GALNTL5: variants seen among roughly 807,000 people sequenced by gnomAD.
GALNTL5 encodes polypeptide N-acetylgalactosaminyltransferase like 5.
Under a neutral mutation model 51.0 loss-of-function variants are expected in GALNTL5, and 44 were observed. That is an observed-to-expected ratio of 0.86 (90% CI 0.68 to 1.11). The LOEUF is 1.11. GALNTL5 is among the 50% of genes least tolerant of loss of function. The pLI is 0.00. For synonymous variants in GALNTL5, 192 were observed against 182.8 expected, an observed-to-expected ratio of 1.05 and a Z score of -0.41; for missense variants, 528 against 531.8, an observed-to-expected ratio of 0.99 and a Z score of 0.07.
At chr7:152,017,854 T>C (rs2081838851) in intron 8 of GALNTL5, among the ~76,000 whole-genome samples, 1 of 152,094 alleles carries the variant, frequency 6.6e-6, no homozygotes, top group Non-Finnish European at 1.5e-5. Context: ...TTTTTTTTTT[T>C]CTTTCTTTTG....
intron 7 of GALNTL5, among the ~76,000 whole-genome samples, chr7:152,010,237 C>T (rs1227115876): frequency 4.6e-5 from 7 of 151,946 alleles, no homozygotes; most frequent in African/African-American, 1.2e-4. Context: ...CTCAGCCTCC[C>T]GAGTAGTTGG....
At chr7:151,984,401 C>T (rs2081334966) in intron 4 of GALNTL5, among the ~76,000 whole-genome samples, 1 of 152,130 alleles carries the variant, frequency 6.6e-6, no homozygotes, top group African/African-American at 2.4e-5. Flanking sequence ...ATGTGACCCA[C>T]TATGAGCTCA....
intron 1 of GALNTL5, among the ~76,000 whole-genome samples, chr7:151,962,763 C>T (rs1237361346): frequency 6.6e-6 from 1 of 152,136 alleles, no homozygotes; most frequent in Non-Finnish European, 1.5e-5. Context: ...AGCCCACCAC[C>T]ATGCCCAGCT....
chr7:151,967,040 C>T (rs1224999304), intron 1 of GALNTL5, among the ~76,000 whole-genome samples, 168 bp from the exon 2 acceptor site: 4 of 152,056 alleles, frequency 2.6e-5, no homozygotes, highest in Non-Finnish European at 5.9e-5. Context: ...TTAGGAATAT[C>T]AGTTTTAGGA....
chr7:152,014,618 A>G, intron 7 of GALNTL5, 26 bp from the exon 8 acceptor site: 1 of 1,582,142 alleles, frequency 6.3e-7, no homozygotes, highest in South Asian at 1.2e-5. Context: ...ATGCATTCGT[A>G]TGTTTTTTGT....
chr7:151,973,326 A>G (rs2081169990), intron 3 of GALNTL5, among the ~76,000 whole-genome samples: 1 of 151,870 alleles, frequency 6.6e-6, no homozygotes, highest in Non-Finnish European at 1.5e-5. Flanking sequence ...TTAGCCAGGC[A>G]TGGTGATGCG....
intron 8 of GALNTL5, 131 bp downstream of exon 8, chr7:152,014,924 G>A (rs1586858056): frequency 1.3e-6 from 1 of 785,018 alleles, no homozygotes; most frequent in East Asian, 2.7e-5. Context: ...AATTAACACA[G>A]GAACGGAAAA....
intron 3 of GALNTL5, among the ~76,000 whole-genome samples, chr7:151,976,193 G>A (rs1165055696): frequency 2.6e-5 from 4 of 152,194 alleles, no homozygotes; most frequent in Middle Eastern, 6.8e-3. Flanking sequence ...TTATTTTATT[G>A]CAGTCTATCA....
chr7:151,961,212 G>T (rs1202037056), intron 1 of GALNTL5, among the ~76,000 whole-genome samples: 1 of 151,576 alleles, frequency 6.6e-6, no homozygotes, highest in Admixed American at 6.6e-5. Flanking sequence ...ACAAAGCTGT[G>T]CACAGTGGCT....
chr7:151,974,621 C>T lies in GALNTL5; in HGVS notation c.368+3556C>T, dbSNP rs996339765. Among the ~76,000 whole-genome samples, 4 of 152,168 alleles carry T rather than the reference C, an allele frequency of 2.6e-5. No homozygotes were observed. In the South Asian group the frequency reaches 8.3e-4, roughly 32 times the overall value. On this transcript the variant is annotated intron_variant, in intron 3 of 8. Coordinates refer to ENST00000392800, the MANE Select transcript of GALNTL5 (RefSeq NM_145292.4). ...ATCTGGGTCATGATAAAATAAAAAA[C>T]TTAAATTTACTCAAACCATAGAACA...
chr7:151,976,462 A>G (rs543662688), intron 3 of GALNTL5, among the ~76,000 whole-genome samples: 8 of 152,084 alleles, frequency 5.3e-5, no homozygotes, highest in South Asian at 2.1e-4. Context: ...TTTGGTTTCC[A>G]TTTGCATGAA....
rs1491084538 is a variant in GALNTL5, at chr7:151,998,782, AAC to A, written c.659-3930_659-3929del. On this transcript the variant is annotated intron_variant, in intron 5 of 8. Coordinates refer to ENST00000392800, the MANE Select transcript of GALNTL5 (RefSeq NM_145292.4). The stretch of plus-strand genomic sequence containing the variant: ...GCGAGACTCTATCTAAAAAAAAAAA[AAC>A]AAAAAACAAAACTACTCCGATAGGC... Among the ~76,000 whole-genome samples, 499 of 109,552 alleles carry A rather than the reference AAC, an allele frequency of 4.6e-3. 6 individuals are homozygous for A. The highest frequency in any genetic ancestry group is 0.01 in the Middle Eastern group (2 of 198). 71.9% of individuals were successfully genotyped at this position (109,552 alleles called of 152,430 possible).
At chr7:151,992,632 C>G (rs1299965797) in intron 5 of GALNTL5, among the ~76,000 whole-genome samples, 2 of 152,176 alleles carry the variant, frequency 1.3e-5, no homozygotes, top group Non-Finnish European at 2.9e-5. Flanking sequence ...TCGCTCTACC[C>G]TGGTATGACC....
chr7:151,982,247 T>C (rs984742251), intron 3 of GALNTL5, among the ~76,000 whole-genome samples: 2 of 151,888 alleles, frequency 1.3e-5, no homozygotes, highest in African/African-American at 2.4e-5. Flanking sequence ...ACACTGTCTC[T>C]ACTAAAAACA....
rs772944523 is a variant in GALNTL5, at chr7:152,002,931, G to A, written c.876G>A (p.Met292Ile). Residue 292 changes from methionine to isoleucine, a missense_variant, in exon 6 of 9, where the codon ATG becomes ATA. Coordinates refer to ENST00000392800, the MANE Select transcript of GALNTL5 (RefSeq NM_145292.4). ...FKWDNVFSYEMDGPEGSTKPI... is the reference protein window; with the variant it reads ...FKWDNVFSYEIDGPEGSTKPI... The stretch of plus-strand genomic sequence containing the variant: ...GGGATAATGTTTTCTCTTATGAGAT[G>A]GATGGACCAGAAGGATCTACTAAAC... 18 of 1,614,038 alleles carry A rather than the reference G, an allele frequency of 1.1e-5. No individual in the cohort carries two copies. Among genetic ancestry groups the A allele is most frequent in the Admixed American group, 1.7e-5 (1 of 60,012 alleles).
rs1214591420 is a variant in GALNTL5 at position 151,962,434 on chromosome 7, T to C, written c.-39-4774T>C. Among the ~76,000 whole-genome samples, 5 of 146,872 alleles carry C rather than the reference T, an allele frequency of 3.4e-5. No homozygotes were observed. In the East Asian group the frequency reaches 9.8e-4, roughly 29 times the overall value. On this transcript the variant is annotated intron_variant, in intron 1 of 8. Transcript: ENST00000392800. Reference sequence around the variant, plus strand: ...TTAAAAAAGTCTGTGTGATTTTTTTTTCTTTTTTTTTTTTTTTGGTTAATG... The same window carrying C: ...TTAAAAAAGTCTGTGTGATTTTTTTCTCTTTTTTTTTTTTTTTGGTTAATG...
chr7:151,991,425 A>G (rs1471115174), intron 5 of GALNTL5, among the ~76,000 whole-genome samples: 1 of 152,162 alleles, frequency 6.6e-6, no homozygotes, highest in Non-Finnish European at 1.5e-5. Context: ...TCATGTAAAA[A>G]AAAATTGATT....
intron 6 of GALNTL5, among the ~76,000 whole-genome samples, chr7:152,003,297 G>T (rs1330819573): frequency 1.3e-5 from 2 of 152,138 alleles, no homozygotes; most frequent in Admixed American, 1.3e-4. Context: ...TTGAAGGAGA[G>T]ACTCCATCAT....
rs561063459 is a variant in GALNTL5, at chr7:151,995,653, T to A, written c.659-7061T>A. ...TAACATGGCTGTTACAATGATCAGA[T>A]AAGGACATCACCTACATTTTTTTTG... On this transcript the variant is annotated intron_variant, in intron 5 of 8. Coordinates refer to ENST00000392800, the MANE Select transcript of GALNTL5 (RefSeq NM_145292.4). Among the ~76,000 whole-genome samples, 8 of 142,282 alleles carry A rather than the reference T, an allele frequency of 5.6e-5. 1 individual carries two copies. Among genetic ancestry groups the A allele is most frequent in the Admixed American group, 1.5e-4 (2 of 13,592 alleles). The allele number at this position is 142,282 out of a possible 152,430, so 93.3% of individuals were successfully genotyped here.
Sources: gnomAD v4.1 joint callset for allele counts (sites outside exome capture counted in the v4.1 genomes callset) on GRCh38, gnomAD v4.1.1 for gene constraint, MANE v1.5 for transcripts, NCBI Gene and HGNC (gene_info 2026-07-23, HGNC 2026-07-21) for gene names.